Variants in ABTB3 observed in about 807,000 individuals in gnomAD.
ABTB3 encodes the protein ankyrin repeat and BTB domain containing 3.
At chr12:107,432,959 T>C in the ABTB3 span, among the ~76,000 whole-genome samples, 1 of 152,200 alleles carries the variant, frequency 6.6e-6, no homozygotes, top group African/African-American at 2.4e-5. Context: ...TGCCTGCTTC[T>C]TCTTCACGGC....
At chr12:107,654,815 TACACACACACACACACACACACAC>T in the ABTB3 span, among the ~76,000 whole-genome samples, 2 of 141,216 alleles carry the variant, frequency 1.4e-5, no homozygotes, top group Non-Finnish European at 3.1e-5. Context: ...CTACATTGTA[TACACACACACACACACACACACAC>T]ACACACACAC....
the ABTB3 span, among the ~76,000 whole-genome samples, chr12:107,364,445 C>A: frequency 6.6e-6 from 1 of 151,926 alleles, no homozygotes; most frequent in South Asian, 2.1e-4. Flanking sequence ...CACACACCAC[C>A]ACACCCGGCT....
chr12:107,651,625 C>A, the ABTB3 span: 1 of 1,377,670 alleles, frequency 7.3e-7, no homozygotes, highest in African/African-American at 1.4e-5. Flanking sequence ...TTGTTACCTC[C>A]TTTCCATCCA....
the ABTB3 span, among the ~76,000 whole-genome samples, chr12:107,341,027 G>A: frequency 2.0e-5 from 3 of 152,122 alleles, no homozygotes; most frequent in Non-Finnish European, 4.4e-5. Flanking sequence ...TGCAGGCTGC[G>A]AACAGCGGGC....
the ABTB3 span, among the ~76,000 whole-genome samples, chr12:107,608,265 T>C: frequency 6.6e-6 from 1 of 152,246 alleles, no homozygotes; most frequent in South Asian, 2.1e-4. Context: ...TCCACTCAGC[T>C]GGTTCAGTTG....
At chr12:107,418,705 C>G in the ABTB3 span, among the ~76,000 whole-genome samples, 1 of 152,186 alleles carries the variant, frequency 6.6e-6, no homozygotes, top group East Asian at 1.9e-4. Context: ...GAGTGCCTGT[C>G]CCTTCTTTGC....
At chr12:107,331,890 C>T in the ABTB3 span, among the ~76,000 whole-genome samples, 2 of 152,216 alleles carry the variant, frequency 1.3e-5, no homozygotes, top group African/African-American at 2.4e-5. Flanking sequence ...GGGCCTCCCC[C>T]CCGCCCCACC....
chr12:107,606,668 T>C, the ABTB3 span, among the ~76,000 whole-genome samples: 1 of 152,234 alleles, frequency 6.6e-6, no homozygotes, highest in South Asian at 2.1e-4. Context: ...AATGGGTGTC[T>C]TTCTGTGACA....
the ABTB3 span, among the ~76,000 whole-genome samples, chr12:107,404,116 T>A: frequency 8.2e-6 from 1 of 121,504 alleles, no homozygotes; most frequent in South Asian, 2.8e-4. Context: ...TGAGCTGAGA[T>A]CACGCCACTG....
At chr12:107,594,628 A>G in the ABTB3 span, among the ~76,000 whole-genome samples, 1 of 152,154 alleles carries the variant, frequency 6.6e-6, no homozygotes, top group Non-Finnish European at 1.5e-5. Context: ...GCTACCCAAA[A>G]GAAAAGGGAA....
At chr12:107,411,683 T>A in the ABTB3 span, among the ~76,000 whole-genome samples, 1 of 152,198 alleles carries the variant, frequency 6.6e-6, no homozygotes, top group African/African-American at 2.4e-5. Flanking sequence ...CCCAAGGGCC[T>A]CATGAGCTAT....
At chr12:107,622,153 A>G in the ABTB3 span, among the ~76,000 whole-genome samples, 6 of 152,162 alleles carry the variant, frequency 3.9e-5, no homozygotes, top group African/African-American at 1.4e-4. Flanking sequence ...TTGCTTTTAC[A>G]GGGGGTTCAA....
At chr12:107,477,858 T>C in the ABTB3 span, among the ~76,000 whole-genome samples, 1 of 152,170 alleles carries the variant, frequency 6.6e-6, no homozygotes, top group African/African-American at 2.4e-5. Flanking sequence ...TAAACAGGAC[T>C]CTGAGCTTCT....
chr12:107,347,196 G>C, the ABTB3 span, among the ~76,000 whole-genome samples: 1 of 152,068 alleles, frequency 6.6e-6, no homozygotes, highest in Non-Finnish European at 1.5e-5. Flanking sequence ...ATTTAATTTA[G>C]TGCAAACCAA....
the ABTB3 span, among the ~76,000 whole-genome samples, chr12:107,625,259 A>G: frequency 6.6e-6 from 1 of 152,178 alleles, no homozygotes; most frequent in South Asian, 2.1e-4. Flanking sequence ...GTGGTTTGCA[A>G]ATATTTTCTC....
At chr12:107,381,458 C>T in the ABTB3 span, among the ~76,000 whole-genome samples, 1 of 152,184 alleles carries the variant, frequency 6.6e-6, no homozygotes, top group South Asian at 2.1e-4. Context: ...TGAAGGGCTG[C>T]CTACACTGGC....
chr12:107,437,916 G>T, the ABTB3 span, among the ~76,000 whole-genome samples: 1 of 152,120 alleles, frequency 6.6e-6, no homozygotes, highest in South Asian at 2.1e-4. Context: ...GTATTGGGGG[G>T]TGGGGGTGGT....
the ABTB3 span, among the ~76,000 whole-genome samples, chr12:107,567,140 A>G: frequency 6.6e-6 from 1 of 152,212 alleles, no homozygotes. Flanking sequence ...TAAATCCATC[A>G]TCAAGTCAAG....
chr12:107,380,057 G>A, the ABTB3 span, among the ~76,000 whole-genome samples: 1 of 152,164 alleles, frequency 6.6e-6, no homozygotes, highest in African/African-American at 2.4e-5. Flanking sequence ...GCGATGCTGT[G>A]ATTCGTCTGT....
Sources: allele counts gnomAD v4.1 joint callset (sites outside exome capture counted in the v4.1 genomes callset), GRCh38; gene constraint gnomAD v4.1.1; transcripts MANE v1.5; gene names NCBI Gene and HGNC (gene_info 2026-07-23, HGNC 2026-07-21).